BCOR: variants seen among roughly 807,000 people sequenced by gnomAD.
BCOR encodes the protein BCL-6 corepressor.
Under a neutral mutation model 86.7 loss-of-function variants are expected in BCOR, and 10 were observed. That is an observed-to-expected ratio of 0.12 (90% CI 0.07 to 0.20). The LOEUF (loss-of-function observed/expected upper bound fraction) is 0.20. Among genes scored for constraint, BCOR ranks in the 10% least tolerant of loss-of-function variants. The probability of loss-of-function intolerance (pLI) is 1.00; values close to 1 mark genes in which losing one functional copy is unlikely to be tolerated. For synonymous variants in BCOR, 611 were observed against 609.0 expected, an observed-to-expected ratio of 1.00 and a Z score of -0.05; for missense variants, 1,259 against 1,452.1, an observed-to-expected ratio of 0.87 and a Z score of 2.16.
rs775669177 is a variant in BCOR, at chrX:40,052,266, C to T, written c.5111G>A (p.Ser1704Asn). Reference protein sequence around the residue: ...EAEFYRQVSASLLFSCSKDLE... With the variant: ...EAEFYRQVSANLLFSCSKDLE... ...GTCTTTGGAGCAAGAGAACAAGAGACTTGCAGAAACCTGCCGATAAAATTC... is the reference window on the plus strand; with the variant it reads ...GTCTTTGGAGCAAGAGAACAAGAGATTTGCAGAAACCTGCCGATAAAATTC... The change falls in exon 15 of 15, where the codon AGT (serine) becomes AAT (asparagine). Residue 1704 changes from serine to asparagine, a missense_variant. This residue lies in a region of BCOR where 137 missense variants were observed against 149.8 expected (regional missense o/e 0.91). Transcript: ENST00000378444. The T allele has an allele frequency of 8.3e-7, 1 of 1,212,079 alleles. No individual in the cohort carries two copies. Among genetic ancestry groups the T allele is most frequent in the Non-Finnish European group, 1.1e-6 (1 of 895,589 alleles).
At chrX:40,133,997 A>C (rs1475898232) in intron 1 of BCOR, among the ~76,000 whole-genome samples, 1 of 110,464 alleles carries the variant, frequency 9.1e-6, no homozygotes, top group African/African-American at 3.3e-5. Flanking sequence ...ATAAGCACAA[A>C]GGCATCTGGG....
At chrX:40,085,349 T>C (rs1201679802) in intron 1 of BCOR, among the ~76,000 whole-genome samples, 1 of 112,649 alleles carries the variant, frequency 8.9e-6, no homozygotes, top group African/African-American at 3.2e-5. Context: ...AGGGAAAGAC[T>C]GCCAGTGTTT....
intron 1 of BCOR, among the ~76,000 whole-genome samples, chrX:40,176,595 C>T (rs1938760467): frequency 8.9e-6 from 1 of 112,569 alleles, no homozygotes; most frequent in Non-Finnish European, 1.9e-5. Context: ...GCCCCCGCCC[C>T]CCAACGATTC....
At chrX:40,158,097 C>A (rs1938333327) in intron 1 of BCOR, among the ~76,000 whole-genome samples, 1 of 112,351 alleles carries the variant, frequency 8.9e-6, no homozygotes, top group African/African-American at 3.2e-5. Flanking sequence ...CCGCTGGTCC[C>A]CTGTCCACCA....
At chrX:40,096,622 C>G (rs946980599) in intron 1 of BCOR, among the ~76,000 whole-genome samples, 2 of 111,549 alleles carry the variant, frequency 1.8e-5, no homozygotes, top group Non-Finnish European at 3.8e-5. Flanking sequence ...CGGCTCGGCC[C>G]GAGGCACTCG....
At chrX:40,151,794 C>G (rs1287042738) in intron 1 of BCOR, among the ~76,000 whole-genome samples, 4 of 112,414 alleles carry the variant, frequency 3.6e-5, no homozygotes, top group Non-Finnish European at 7.5e-5. Context: ...GCGGCCCCGC[C>G]GATCGTGTCC....
intron 1 of BCOR, among the ~76,000 whole-genome samples, chrX:40,139,412 TA>T (rs1937785723): frequency 6.2e-5 from 1 of 16,134 alleles, no homozygotes; most frequent in African/African-American, 5.5e-4. Context: ...TATATATATA[TA>T]TAATATATAT....
intron 1 of BCOR, among the ~76,000 whole-genome samples, chrX:40,133,740 G>GT (rs1373125881): frequency 9.0e-6 from 1 of 111,639 alleles, no homozygotes; most frequent in Non-Finnish European, 1.9e-5. Flanking sequence ...GATTACAGGC[G>GT]TGAGCCACCG....
rs747350059 is a variant in BCOR, at chrX:40,075,126, G to A, written c.220C>T (p.Arg74Cys). The change falls in exon 4 of 15, where the codon CGC becomes TGC. Residue 74 changes from arginine to cysteine, a missense_variant. Around this residue, in one of 7 missense-constraint regions of BCOR, gnomAD observed 174 missense variants for 189.3 expected, o/e 0.92. Coordinates refer to ENST00000378444, the MANE Select transcript of BCOR (RefSeq NM_001123385.2). The stretch of plus-strand genomic sequence containing the variant: ...AGCCCTTCCCGGATCAGGCCAGTGC[G>A]GTCCATGCTCAGTGCTGCCAGGCCA... ...IDGLAALSMD[R>C]TGLIREGLRV... is the part of the protein sequence containing the mutation. The A allele has an allele frequency of 5.8e-6, 7 of 1,210,476 alleles. No individual in the cohort carries two copies. Among genetic ancestry groups the A allele is most frequent in the South Asian group, 1.8e-5 (1 of 56,812 alleles).
chrX:40,095,891 C>T (rs1302232822), intron 1 of BCOR, among the ~76,000 whole-genome samples: 1 of 112,169 alleles, frequency 8.9e-6, no homozygotes, highest in Non-Finnish European at 1.9e-5. Context: ...CAGACTCGTC[C>T]GTCTCCGGGA....
intron 1 of BCOR, among the ~76,000 whole-genome samples, chrX:40,095,586 A>G (rs1355089034): frequency 2.7e-5 from 3 of 112,071 alleles, no homozygotes; most frequent in African/African-American, 6.5e-5. Context: ...CTCAAAACGA[A>G]AAAAGGGGGG....
intron 1 of BCOR, among the ~76,000 whole-genome samples, chrX:40,105,878 AAGAGGTCGT>A (rs1937170075): frequency 8.9e-6 from 1 of 112,639 alleles, no homozygotes; most frequent in Non-Finnish European, 1.9e-5. Context: ...TTCTGGCCTG[AAGAGGTCGT>A]TCATAAAACA....
chrX:40,076,545 ATACACC>A lies in BCOR; in HGVS notation c.87-19_87-14del, dbSNP rs762306838. On this transcript the variant is annotated splice_polypyrimidine_tract_variant and intron_variant, in intron 2 of 14. Transcript: ENST00000378444. ...TACAAGGATTTTCCTATTTAAAAAG[ATACACC>A]AACTTCATGAAAGCATTCCTCACTG... 35 of 1,148,119 alleles carry A rather than the reference ATACACC, an allele frequency of 3.0e-5. No homozygotes were observed. In the South Asian group the frequency reaches 6.2e-4, roughly 20 times the overall value. 94.6% of individuals were successfully genotyped at this position (1,148,119 alleles called of 1,213,427 possible).
chrX:40,171,967 G>A (rs1462333481), intron 1 of BCOR, among the ~76,000 whole-genome samples: 1 of 112,852 alleles, frequency 8.9e-6, no homozygotes, highest in African/African-American at 3.2e-5. Context: ...ACGCCGGCAA[G>A]TGCAGCCGGG....
At chrX:40,089,614 G>A (rs1211862878) in intron 1 of BCOR, among the ~76,000 whole-genome samples, 1 of 110,903 alleles carries the variant, frequency 9.0e-6, no homozygotes, top group Non-Finnish European at 1.9e-5. Context: ...CCTGGTGTAA[G>A]GCCAATGCTC....
intron 13 of BCOR, 97 bp downstream of exon 13, chrX:40,054,159 C>G: frequency 9.3e-7 from 1 of 1,079,182 alleles, no homozygotes; most frequent in Non-Finnish European, 1.3e-6. Flanking sequence ...AGTCCTGCTT[C>G]CAGTGCCCAC....
At chrX:40,072,118 C>G in intron 4 of BCOR, 1 of 438,204 alleles carries the variant, frequency 2.3e-6, no homozygotes, top group Non-Finnish European at 4.0e-6. Flanking sequence ...CGGTTATCAG[C>G]AATTGAGTGG....
At chrX:40,157,057 T>G (rs757562509) in intron 1 of BCOR, among the ~76,000 whole-genome samples, 1 of 113,452 alleles carries the variant, frequency 8.8e-6, no homozygotes, top group East Asian at 2.8e-4. Flanking sequence ...TGGCTACAGT[T>G]TAGAAGTCGA....
intron 1 of BCOR, among the ~76,000 whole-genome samples, chrX:40,079,460 T>C (rs976167326): frequency 3.6e-5 from 4 of 111,550 alleles, no homozygotes; most frequent in Non-Finnish European, 5.7e-5. Context: ...TTGTCCTAAC[T>C]AGGTCTTTTG....
Sources: gnomAD v4.1 joint callset for allele counts (sites outside exome capture counted in the v4.1 genomes callset) on GRCh38, gnomAD v4.1.1 for gene constraint, gnomAD v4.1.1 regional missense constraint, MANE v1.5 for transcripts, NCBI Gene and HGNC (gene_info 2026-07-23, HGNC 2026-07-21) for gene names.